The following ZFHX3 variants were observed in gnomAD, a reference collection of about 807,000 sequenced individuals.
The protein encoded by ZFHX3 is zinc finger homeobox 3.
ZFHX3 carries 42 observed loss-of-function variants against 279.1 expected under a neutral mutation model. That is an observed-to-expected ratio of 0.15 (90% CI 0.12 to 0.19). The LOEUF is 0.19. ZFHX3 is among the 10% of genes least tolerant of loss of function. The pLI, the probability that ZFHX3 is intolerant of heterozygous loss-of-function variation, is 1.00. For synonymous variants in ZFHX3, 2,293 were observed against 1,957.8 expected (o/e 1.17, Z -4.52); for missense variants, 4,981 against 4,754.0 (o/e 1.05, Z -1.40).
intron 3 of ZFHX3, among the ~76,000 whole-genome samples, chr16:72,894,765 G>C (rs968933918): frequency 1.3e-5 from 2 of 152,216 alleles, no homozygotes; most frequent in Admixed American, 6.5e-5. Context: ...GAAAGGAGCT[G>C]CCTGCTTTCA....
At chr16:72,952,702 C>T (rs1194969686) in intron 2 of ZFHX3, among the ~76,000 whole-genome samples, 1 of 152,216 alleles carries the variant, frequency 6.6e-6, no homozygotes, top group African/African-American at 2.4e-5. Flanking sequence ...CCTCTCCCAC[C>T]CTGGTCTTTT....
intron 1 of ZFHX3, among the ~76,000 whole-genome samples, chr16:73,880,779 T>C (rs1454105314): frequency 6.6e-6 from 1 of 152,234 alleles, no homozygotes; most frequent in Non-Finnish European, 1.5e-5. Context: ...TTTCTGTTGC[T>C]TTTTAACATC....
intron 5 of ZFHX3, among the ~76,000 whole-genome samples, chr16:73,157,319 AT>A (rs1967112718): frequency 6.6e-6 from 1 of 151,864 alleles, no homozygotes; most frequent in Admixed American, 6.6e-5. Context: ...TAAACCTTGC[AT>A]CAGCTCAGCT....
chr16:73,634,655 T>C (rs2052512117), intron 2 of ZFHX3, among the ~76,000 whole-genome samples: 1 of 151,882 alleles, frequency 6.6e-6, no homozygotes, highest in African/African-American at 2.4e-5. Context: ...TCATAGTGTC[T>C]CTTGAGGACA....
intron 1 of ZFHX3, among the ~76,000 whole-genome samples, chr16:73,790,475 A>G (rs1959791121): frequency 6.6e-6 from 1 of 152,234 alleles, no homozygotes; most frequent in Admixed American, 6.5e-5. Flanking sequence ...TGACTCAGCC[A>G]CTGAGAGCTA....
upstream of ZFHX3, among the ~76,000 whole-genome samples, chr16:73,048,528 C>A (rs1018879516): frequency 2.0e-5 from 3 of 152,188 alleles, no homozygotes; most frequent in Non-Finnish European, 4.4e-5. Flanking sequence ...CCAGGCCCTC[C>A]CGGAGGCGCT....
chr16:73,228,967 G>A (rs2012688936), intron 5 of ZFHX3, among the ~76,000 whole-genome samples: 1 of 152,118 alleles, frequency 6.6e-6, no homozygotes, highest in African/African-American at 2.4e-5. Flanking sequence ...CTCCAGAACT[G>A]ATGTGGTCTC....
chr16:72,950,391 C>G, intron 3 of ZFHX3, 78 bp downstream of exon 3: 6 of 1,560,548 alleles, frequency 3.8e-6, no homozygotes, highest in South Asian at 1.2e-5. Context: ...CGACTCCTCC[C>G]CAGTGCTCCC....
intron 1 of ZFHX3, among the ~76,000 whole-genome samples, chr16:73,831,399 A>C (rs1960994172): frequency 6.6e-6 from 1 of 152,180 alleles, no homozygotes; most frequent in African/African-American, 2.4e-5. Flanking sequence ...GGTGCTAAAT[A>C]AGTTAGTGCT....
intron 3 of ZFHX3, among the ~76,000 whole-genome samples, chr16:73,353,266 A>T (rs765115066): frequency 3.9e-5 from 6 of 152,172 alleles, no homozygotes; most frequent in Non-Finnish European, 7.4e-5. Flanking sequence ...CCATGGGCTC[A>T]TTTCGCCAAA....
intron 1 of ZFHX3, among the ~76,000 whole-genome samples, chr16:73,723,573 G>T (rs1184675083): frequency 6.6e-6 from 1 of 152,054 alleles, no homozygotes; most frequent in African/African-American, 2.4e-5. Context: ...AAATGAGAAG[G>T]ATATACACCA....
intron 1 of ZFHX3, among the ~76,000 whole-genome samples, chr16:73,687,099 C>A (rs1470213310): frequency 2.4e-5 from 3 of 126,750 alleles, no homozygotes; most frequent in African/African-American, 8.9e-5. Flanking sequence ...TATTTTAAAA[C>A]ATTTCCAGGC....
At chr16:73,154,622 T>G (rs1021065403) in intron 5 of ZFHX3, among the ~76,000 whole-genome samples, 1 of 152,160 alleles carries the variant, frequency 6.6e-6, no homozygotes, top group African/African-American at 2.4e-5. Flanking sequence ...TAGGTTTAAG[T>G]CCAGAGAATG....
At chr16:73,710,510 C>T (rs1050232456) in intron 1 of ZFHX3, among the ~76,000 whole-genome samples, 10 of 152,180 alleles carry the variant, frequency 6.6e-5, no homozygotes, top group African/African-American at 2.4e-4. Flanking sequence ...ACACAGAAGT[C>T]GGGGAGAGGT....
At chr16:73,177,563 A>G (rs1967692897) in intron 5 of ZFHX3, among the ~76,000 whole-genome samples, 1 of 152,236 alleles carries the variant, frequency 6.6e-6, no homozygotes, top group Non-Finnish European at 1.5e-5. Flanking sequence ...CACAGATGTG[A>G]TCTTTCCCAA....
intron 5 of ZFHX3, among the ~76,000 whole-genome samples, chr16:73,181,265 T>A (rs1967789602): frequency 2.0e-5 from 3 of 152,012 alleles, no homozygotes; most frequent in Admixed American, 1.3e-4. Context: ...CATGCCCAGC[T>A]AATTTTTGTA....
At chr16:73,583,956 A>T (rs929551204) in intron 2 of ZFHX3, among the ~76,000 whole-genome samples, 1 of 152,220 alleles carries the variant, frequency 6.6e-6, no homozygotes, top group African/African-American at 2.4e-5. Flanking sequence ...GAAACATGAA[A>T]GGGCAAATAA....
chr16:73,501,956 T>A lies in ZFHX3; in HGVS notation c.-1546-45698A>T, dbSNP rs889578601. On this transcript the variant is annotated intron_variant, in intron 2 of 17. Transcript: ENST00000641206. ...TTTGGTTAATGTTATAGAGGATTTT[T>A]ATTTTTTTTAAAACAAAGCTATTTG... is the stretch of plus-strand genomic sequence containing the variant. Among the ~76,000 whole-genome samples the A allele has an allele frequency of 2.6e-5, 4 of 151,972 alleles. No homozygotes were observed. The East Asian group carries it at 5.8e-4, about 22-fold the overall frequency.
At chr16:73,615,365 A>G (rs1203702354) in intron 2 of ZFHX3, among the ~76,000 whole-genome samples, 2 of 152,178 alleles carry the variant, frequency 1.3e-5, no homozygotes, top group East Asian at 3.9e-4. Flanking sequence ...AGACAAGCAC[A>G]GGGCTGTGGC....
Sources: gnomAD v4.1 joint callset for allele counts (sites outside exome capture counted in the v4.1 genomes callset) on GRCh38, gnomAD v4.1.1 for gene constraint, MANE v1.5 for transcripts, NCBI Gene and HGNC (gene_info 2026-07-23, HGNC 2026-07-21) for gene names.